Variants in PTPRN2 observed in about 807,000 individuals in gnomAD.
PTPRN2 encodes the protein protein tyrosine phosphatase receptor type N2.
A neutral mutation model predicts 118.8 loss-of-function variants in PTPRN2; 74 were observed. The ratio of observed to expected loss-of-function variants is 0.62; its 90% CI spans 0.52 to 0.76. The LOEUF (loss-of-function observed/expected upper bound fraction) is 0.76, where lower values mean the gene tolerates loss of function less well. Among genes scored for constraint, PTPRN2 ranks in the 30% least tolerant of loss-of-function variants. The pLI, the probability that PTPRN2 is intolerant of heterozygous loss-of-function variation, is 0.00. For synonymous variants in PTPRN2, 641 were observed against 608.0 expected (o/e 1.05, Z -0.80); for missense variants, 1,481 against 1,394.4 (o/e 1.06, Z -0.99).
At chr7:158,584,083 G>C (rs1055825415) in intron 1 of PTPRN2, among the ~76,000 whole-genome samples, 1 of 152,166 alleles carries the variant, frequency 6.6e-6, no homozygotes, top group African/African-American at 2.4e-5. Context: ...AAACAAAGGA[G>C]CAAAATGAAC....
chr7:158,022,338 C>T lies in PTPRN2; in HGVS notation c.1723+58960G>A, dbSNP rs906487556. ...CGGCCTCCACCACGAGACTTCAGGT[C>T]ATCCTTTAATGAGGGCCCAAGGAAG... On this transcript the variant is annotated intron_variant, in intron 11 of 22. Coordinates refer to ENST00000389418, the MANE Select transcript of PTPRN2 (RefSeq NM_002847.5). The surrounding 1 kb of genome is among the most constrained non-coding windows in gnomAD (Gnocchi z 4.6). 1.3e-5 allele frequency among the ~76,000 whole-genome samples: 2 copies of T among 152,208 alleles called. No individual in the cohort carries two copies. Among genetic ancestry groups the T allele is most frequent in the Non-Finnish European group, 1.5e-5 (1 of 68,032 alleles).
At chr7:158,160,933 T>A (rs1822301872) in intron 6 of PTPRN2, among the ~76,000 whole-genome samples, 1 of 152,260 alleles carries the variant, frequency 6.6e-6, no homozygotes, top group African/African-American at 2.4e-5. Context: ...AAATTCCCTT[T>A]TAAAAATGTA....
chr7:158,565,868 G>A lies in PTPRN2; in HGVS notation c.112+21690C>T, dbSNP rs545694242. On this transcript the variant is annotated intron_variant, in intron 1 of 22. Coordinates refer to ENST00000389418, the MANE Select transcript of PTPRN2 (RefSeq NM_002847.5). The surrounding 1 kb of genome is among the most constrained non-coding windows in gnomAD (Gnocchi z 4.6). ...TCTGATGAGGAAACCGAGGCATGGA[G>A]CTTCTTAGGAACTTTCCACAGGTCA... 1.2e-3 allele frequency among the ~76,000 whole-genome samples: 178 copies of A among 152,282 alleles called. 1 individual carries two copies. The highest frequency in any genetic ancestry group is 4.2e-3 in the African/African-American group (173 of 41,546).
chr7:157,791,558 C>T (rs561254225), intron 12 of PTPRN2, among the ~76,000 whole-genome samples: 2 of 146,140 alleles, frequency 1.4e-5, no homozygotes, highest in African/African-American at 5.2e-5. Flanking sequence ...CACCTGCCCC[C>T]CCTCCCTGCA....
chr7:158,005,744 G>A (rs1805594001), intron 11 of PTPRN2, among the ~76,000 whole-genome samples: 1 of 152,174 alleles, frequency 6.6e-6, no homozygotes, highest in Non-Finnish European at 1.5e-5. Context: ...CTCCCCAGAA[G>A]AGACAGGAAG....
intron 2 of PTPRN2, among the ~76,000 whole-genome samples, chr7:158,402,099 G>A (rs1049746266): frequency 2.6e-5 from 4 of 152,076 alleles, no homozygotes; most frequent in African/African-American, 9.7e-5. Context: ...AGGAGATGAG[G>A]AGTCAGCACA....
chr7:157,717,068 C>CGGG (rs1798960607), intron 12 of PTPRN2, among the ~76,000 whole-genome samples: 5 of 140,774 alleles, frequency 3.6e-5, no homozygotes, highest in South Asian at 2.3e-4. Context: ...GTAGACTCTG[C>CGGG]AGGAACACTG....
intron 11 of PTPRN2, among the ~76,000 whole-genome samples, chr7:157,991,567 T>C (rs1441304438): frequency 1.3e-5 from 2 of 151,640 alleles, no homozygotes; most frequent in Admixed American, 1.3e-4. Flanking sequence ...TGAGGGAGGG[T>C]GAGGGAGGGC....
intron 4 of PTPRN2, among the ~76,000 whole-genome samples, chr7:158,202,593 G>A (rs1224601083): frequency 6.6e-6 from 1 of 152,202 alleles, no homozygotes; most frequent in African/African-American, 2.4e-5. Context: ...CCCATAGCAG[G>A]GCAGGGGAAG....
intron 9 of PTPRN2, among the ~76,000 whole-genome samples, chr7:158,111,873 G>A (rs1029977593): frequency 2.0e-5 from 3 of 152,200 alleles, no homozygotes; most frequent in Non-Finnish European, 4.4e-5. Flanking sequence ...TTGGAAATAG[G>A]GCTATCATAG....
At chr7:158,055,780 T>G (rs982008225) in intron 11 of PTPRN2, among the ~76,000 whole-genome samples, 3 of 152,210 alleles carry the variant, frequency 2.0e-5, no homozygotes, top group Non-Finnish European at 4.4e-5. Flanking sequence ...CCCTTTGTTT[T>G]GTATCCAATA....
chr7:157,725,764 G>C (rs866176271), intron 12 of PTPRN2, among the ~76,000 whole-genome samples: 9 of 85,732 alleles, frequency 1.0e-4, no homozygotes, highest in Non-Finnish European at 4.5e-5. Flanking sequence ...ATATCCACAC[G>C]CAGAGGACTG....
intron 2 of PTPRN2, among the ~76,000 whole-genome samples, chr7:158,359,807 T>A (rs1488205154): frequency 6.6e-6 from 1 of 152,170 alleles, no homozygotes; most frequent in East Asian, 1.9e-4. Context: ...AGAGCCCAGA[T>A]GCCTGAAGAA....
At chr7:157,678,166 C>G (rs141823617) in intron 13 of PTPRN2, among the ~76,000 whole-genome samples, 30 of 152,088 alleles carry the variant, frequency 2.0e-4, no homozygotes, top group African/African-American at 6.8e-4. Context: ...TCACAGGGTG[C>G]CCTTCATTTT....
intron 1 of PTPRN2, among the ~76,000 whole-genome samples, chr7:158,516,050 T>A (rs1437579618): frequency 6.6e-6 from 1 of 152,218 alleles, no homozygotes; most frequent in African/African-American, 2.4e-5. Flanking sequence ...TGATTGCACC[T>A]CACAGAAGCC....
intron 19 of PTPRN2, chr7:157,574,536 G>GAGAT: frequency 6.8e-6 from 2 of 293,422 alleles, no homozygotes; most frequent in Admixed American, 3.2e-5. Context: ...GAGAGAGAGA[G>GAGAT]TTTTTAAAGC....
intron 2 of PTPRN2, among the ~76,000 whole-genome samples, chr7:158,489,448 A>G (rs1030461818): frequency 6.6e-6 from 1 of 152,248 alleles, no homozygotes; most frequent in South Asian, 2.1e-4. Flanking sequence ...CTCTGTCTCA[A>G]AAAAATTTTT....
chr7:158,378,240 A>G (rs1401467443), intron 2 of PTPRN2, among the ~76,000 whole-genome samples: 2 of 152,190 alleles, frequency 1.3e-5, no homozygotes, highest in Non-Finnish European at 2.9e-5. Context: ...GCTTTTTTAC[A>G]TAATGGTTGG....
At chr7:157,683,147 G>A (rs1310851341) in intron 12 of PTPRN2, among the ~76,000 whole-genome samples, 1 of 152,234 alleles carries the variant, frequency 6.6e-6, no homozygotes, top group African/African-American at 2.4e-5. Flanking sequence ...AGATTGCAGC[G>A]TGCTCAAGAG....
Sources: allele counts gnomAD v4.1 joint callset (sites outside exome capture counted in the v4.1 genomes callset), GRCh38; gene constraint gnomAD v4.1.1; non-coding constraint Gnocchi (gnomAD v3.1); transcripts MANE v1.5; gene names NCBI Gene and HGNC (gene_info 2026-07-23, HGNC 2026-07-21).